The following MYO3B variants were observed in gnomAD, a reference collection of about 807,000 sequenced individuals.
MYO3B encodes myosin-IIIb.
A neutral mutation model predicts 174.6 loss-of-function variants in MYO3B; 156 were observed. The observed-to-expected ratio is 0.89, with a 90% confidence interval of 0.78 to 1.02. The LOEUF (loss-of-function observed/expected upper bound fraction) is 1.02, where lower values mean the gene tolerates loss of function less well. Among genes scored for constraint, MYO3B ranks in the 50% least tolerant of loss-of-function variants. The probability of loss-of-function intolerance (pLI) is 0.00; values close to 1 mark genes in which losing one functional copy is unlikely to be tolerated. For missense variants in MYO3B, 1,632 were observed against 1,639.4 expected (o/e 1.00, Z 0.08); for synonymous variants, 563 against 569.1 (o/e 0.99, Z 0.15).
At chr2:170,527,373 T>C (rs185781556) in intron 30 of MYO3B, among the ~76,000 whole-genome samples, 59 of 152,366 alleles carry the variant, frequency 3.9e-4, no homozygotes, top group African/African-American at 1.3e-3. Context: ...GGGTAGAATA[T>C]AGTCTACAGA....
intron 29 of MYO3B, among the ~76,000 whole-genome samples, chr2:170,516,826 C>T (rs1263504029): frequency 6.6e-6 from 1 of 152,132 alleles, no homozygotes; most frequent in African/African-American, 2.4e-5. Context: ...CTGTACATTC[C>T]CCAAGTTCGG....
At chr2:170,603,023 G>T (rs371721491) in intron 32 of MYO3B, among the ~76,000 whole-genome samples, 7 of 152,032 alleles carry the variant, frequency 4.6e-5, no homozygotes, top group Non-Finnish European at 8.8e-5. Context: ...AGCCAAGATC[G>T]CACCATTGCA....
At chr2:170,233,113 C>G (rs2093031855) in intron 6 of MYO3B, among the ~76,000 whole-genome samples, 1 of 152,186 alleles carries the variant, frequency 6.6e-6, no homozygotes, top group African/African-American at 2.4e-5. Context: ...AATTTCTCCG[C>G]AAAAGTTCTA....
chr2:170,612,470 G>A (rs574362319), intron 32 of MYO3B, among the ~76,000 whole-genome samples: 4 of 152,022 alleles, frequency 2.6e-5, no homozygotes, highest in African/African-American at 9.7e-5. Context: ...TGTTTATTGT[G>A]TCTGCCCCTC....
At position 170,528,586 on chromosome 2, in the gene MYO3B, G is replaced by T. The variant is rs138113729; in HGVS notation, c.3575+9046G>T. On this transcript the variant is annotated intron_variant, in intron 30 of 34. Transcript: ENST00000408978. ...ATGACCAGCTAATTTTTGTATTTTT[G>T]ATAGAGACGGAGTTTCACCATGTTG... Among the ~76,000 whole-genome samples, 1,405 of 151,900 alleles carry T rather than the reference G, an allele frequency of 9.2e-3. 29 individuals carry two copies. The highest frequency in any genetic ancestry group is 0.032 in the African/African-American group (1,320 of 41,418).
At chr2:170,624,930 T>A (rs1696270788) in intron 32 of MYO3B, among the ~76,000 whole-genome samples, 1 of 152,166 alleles carries the variant, frequency 6.6e-6, no homozygotes, top group African/African-American at 2.4e-5. Flanking sequence ...TTGATCATGG[T>A]GGATAAGCTT....
At chr2:170,483,577 G>A (rs1200533495) in intron 25 of MYO3B, among the ~76,000 whole-genome samples, 4 of 125,616 alleles carry the variant, frequency 3.2e-5, no homozygotes, top group Admixed American at 7.3e-5. Context: ...TAGTAGAGAC[G>A]GGGTTTCACC....
At chr2:170,624,446 C>G (rs1040985237) in intron 32 of MYO3B, among the ~76,000 whole-genome samples, 3 of 152,184 alleles carry the variant, frequency 2.0e-5, no homozygotes, top group Non-Finnish European at 4.4e-5. Flanking sequence ...GGTTGCTTAT[C>G]AGCATAAGGA....
chr2:170,282,734 G>A (rs959013012), intron 7 of MYO3B, among the ~76,000 whole-genome samples: 1 of 152,032 alleles, frequency 6.6e-6, no homozygotes, highest in African/African-American at 2.4e-5. Flanking sequence ...CCAATCCCCA[G>A]GCCTTGGGTA....
At chr2:170,258,960 A>G (rs891720378) in intron 7 of MYO3B, among the ~76,000 whole-genome samples, 1 of 152,076 alleles carries the variant, frequency 6.6e-6, no homozygotes, top group Admixed American at 6.5e-5. Flanking sequence ...ACACTGTCCA[A>G]TTTACAATAC....
chr2:170,579,698 A>C (rs958036428), intron 32 of MYO3B, among the ~76,000 whole-genome samples: 1 of 152,216 alleles, frequency 6.6e-6, no homozygotes, highest in African/African-American at 2.4e-5. Context: ...AGAAACCTGG[A>C]GCACCACCAC....
At chr2:170,459,542 C>A (rs1474639671) in intron 23 of MYO3B, among the ~76,000 whole-genome samples, 4 of 152,188 alleles carry the variant, frequency 2.6e-5, no homozygotes, top group Non-Finnish European at 5.9e-5. Flanking sequence ...TCTCCAAGTC[C>A]CCACCCCCAC....
chr2:170,527,815 A>G (rs1689101819), intron 30 of MYO3B, among the ~76,000 whole-genome samples: 1 of 152,366 alleles, frequency 6.6e-6, no homozygotes, highest in East Asian at 1.9e-4. Context: ...TTAAGTGGAC[A>G]AAAATGTTAG....
intron 3 of MYO3B, among the ~76,000 whole-genome samples, chr2:170,204,322 G>A (rs933211066): frequency 6.6e-6 from 1 of 152,116 alleles, no homozygotes; most frequent in Non-Finnish European, 1.5e-5. Flanking sequence ...ACCCTTAAAA[G>A]ACAAAGTCTA....
intron 32 of MYO3B, among the ~76,000 whole-genome samples, chr2:170,623,161 A>G (rs139489166): frequency 0.031 from 4,710 of 152,270 alleles, 244 homozygotes; most frequent in African/African-American, 0.11. Flanking sequence ...GTCTTCCACA[A>G]TGGTTGAACT....
At chr2:170,634,198 C>G (rs115176502) in intron 32 of MYO3B, among the ~76,000 whole-genome samples, 1 of 152,140 alleles carries the variant, frequency 6.6e-6, no homozygotes, top group Non-Finnish European at 1.5e-5. Flanking sequence ...GGAAGAATCA[C>G]GCTACCGGAC....
At chr2:170,444,922 T>C (rs567004712) in intron 23 of MYO3B, among the ~76,000 whole-genome samples, 1 of 152,380 alleles carries the variant, frequency 6.6e-6, no homozygotes, top group South Asian at 2.1e-4. Context: ...TGATGGCCTC[T>C]TGATAGCGCA....
chr2:170,399,242 C>CAAA (rs71399532), intron 16 of MYO3B, among the ~76,000 whole-genome samples: 36 of 15,590 alleles, frequency 2.3e-3, no homozygotes, highest in Non-Finnish European at 4.0e-3. Context: ...AATTCCGTCT[C>CAAA]AAAAAAAAAA....
At chr2:170,188,522 T>G (rs1559284853) in intron 1 of MYO3B, among the ~76,000 whole-genome samples, 1 of 152,160 alleles carries the variant, frequency 6.6e-6, no homozygotes, top group Non-Finnish European at 1.5e-5. Flanking sequence ...ATTTTCTGAT[T>G]GTGTTTGTGG....
Sources: gnomAD v4.1 joint callset for allele counts (sites outside exome capture counted in the v4.1 genomes callset) on GRCh38, gnomAD v4.1.1 for gene constraint, MANE v1.5 for transcripts, NCBI Gene and HGNC (gene_info 2026-07-23, HGNC 2026-07-21) for gene names.